The following PDZRN4 variants were observed in gnomAD, a reference collection of about 807,000 sequenced individuals.
PDZRN4 encodes PDZ domain-containing RING finger protein 4.
PDZRN4 carries 70 observed loss-of-function variants against 99.0 expected under a neutral mutation model. The ratio of observed to expected loss-of-function variants is 0.71; its 90% CI spans 0.58 to 0.86. The LOEUF (loss-of-function observed/expected upper bound fraction) is 0.86. Ranked by LOEUF, PDZRN4 falls within the 40% of genes least tolerant of loss-of-function variation. The pLI is 0.00. For synonymous variants in PDZRN4, 551 were observed against 501.6 expected (o/e 1.10, Z -1.32); for missense variants, 1,474 against 1,331.2 (o/e 1.11, Z -1.67).
chr12:41,472,814 T>C (rs993128318), intron 3 of PDZRN4, among the ~76,000 whole-genome samples: 2 of 152,218 alleles, frequency 1.3e-5, no homozygotes, highest in African/African-American at 4.8e-5. Context: ...CCCATAGGCA[T>C]TGCCCTGCTA....
In PDZRN4 at chr12:41,341,876, G is replaced by A. The variant is rs186345269; in HGVS notation, c.843+147688G>A. On this transcript the variant is annotated intron_variant, in intron 3 of 9. Coordinates refer to ENST00000402685, the MANE Select transcript of PDZRN4 (RefSeq NM_001164595.2). ...CTAAAATTCATATGAAAACACAAAA[G>A]ACCCTGAACAGCCAAAGCAATCCTA... 3.2e-3 allele frequency among the ~76,000 whole-genome samples: 486 copies of A among 151,858 alleles called. 1 individual carries two copies. The highest frequency in any genetic ancestry group is 5.4e-3 in the Non-Finnish European group (364 of 67,824).
intron 3 of PDZRN4, among the ~76,000 whole-genome samples, chr12:41,388,106 T>G (rs1353096071): frequency 6.6e-6 from 1 of 152,202 alleles, no homozygotes; most frequent in African/African-American, 2.4e-5. Context: ...AAGAATGAGA[T>G]AATGTCCTTT....
chr12:41,338,649 G>A (rs992621610), intron 3 of PDZRN4, among the ~76,000 whole-genome samples: 2 of 151,562 alleles, frequency 1.3e-5, no homozygotes, highest in Admixed American at 6.6e-5. Flanking sequence ...GAAATACAAA[G>A]GATCATAAGA....
At chr12:41,335,243 CTTT>C (rs202056334) in intron 3 of PDZRN4, among the ~76,000 whole-genome samples, 1 of 151,430 alleles carries the variant, frequency 6.6e-6, no homozygotes, top group African/African-American at 2.4e-5. Flanking sequence ...CTATCATTTT[CTTT>C]TTTTCTTTTT....
intron 3 of PDZRN4, among the ~76,000 whole-genome samples, chr12:41,327,143 G>T (rs543905998): frequency 6.6e-6 from 1 of 152,198 alleles, no homozygotes; most frequent in South Asian, 2.1e-4. Flanking sequence ...TCTCCATTTT[G>T]CTAACTTGGG....
intron 3 of PDZRN4, among the ~76,000 whole-genome samples, chr12:41,224,944 T>C (rs1270488178): frequency 6.6e-6 from 1 of 152,138 alleles, no homozygotes; most frequent in Non-Finnish European, 1.5e-5. Context: ...ACTTTAGTAA[T>C]AGAGATCATG....
chr12:41,537,073 C>G (rs1477569295), intron 5 of PDZRN4, among the ~76,000 whole-genome samples: 21 of 152,174 alleles, frequency 1.4e-4, no homozygotes, highest in Admixed American at 1.4e-3. Context: ...TACTAGTCTT[C>G]TAGACATGTC....
intron 3 of PDZRN4, among the ~76,000 whole-genome samples, chr12:41,449,174 C>T (rs1285961268): frequency 6.6e-6 from 1 of 152,180 alleles, no homozygotes; most frequent in Non-Finnish European, 1.5e-5. Context: ...TTATAATACT[C>T]CTCAAAGTGT....
chr12:41,474,840 T>A (rs1214812205), intron 3 of PDZRN4, among the ~76,000 whole-genome samples: 1 of 152,082 alleles, frequency 6.6e-6, no homozygotes, highest in Admixed American at 6.6e-5. Flanking sequence ...GAAACATAGG[T>A]GTGAAAGAAA....
chr12:41,437,717 CTG>C (rs1952642819), intron 3 of PDZRN4: 2 of 1,430,874 alleles, frequency 1.4e-6, no homozygotes, highest in South Asian at 3.0e-5. Flanking sequence ...ACTGGAAACT[CTG>C]TGTGTGTATC....
At chr12:41,377,132 T>C (rs1952087956) in intron 3 of PDZRN4, among the ~76,000 whole-genome samples, 1 of 152,194 alleles carries the variant, frequency 6.6e-6, no homozygotes, top group Admixed American at 6.5e-5. Flanking sequence ...TTACTACAGA[T>C]TTGTAATACA....
intron 3 of PDZRN4, among the ~76,000 whole-genome samples, chr12:41,296,889 T>C (rs1347211261): frequency 1.3e-5 from 2 of 151,992 alleles, no homozygotes; most frequent in Non-Finnish European, 2.9e-5. Flanking sequence ...GCCCAGGAGG[T>C]TGACACTGCA....
chr12:41,507,136 T>G (rs2446145), intron 4 of PDZRN4, among the ~76,000 whole-genome samples: 6 of 152,030 alleles, frequency 3.9e-5, no homozygotes, highest in Non-Finnish European at 8.8e-5. Flanking sequence ...TCTCTCTTCC[T>G]TGCATTTCTC....
intron 3 of PDZRN4, among the ~76,000 whole-genome samples, chr12:41,501,891 T>G (rs1051077514): frequency 6.6e-6 from 1 of 152,136 alleles, no homozygotes; most frequent in African/African-American, 2.4e-5. Flanking sequence ...TTTCCTATCA[T>G]CCATTTACTT....
rs564206122 is a variant in PDZRN4, at chr12:41,464,442, T to C, written c.844-42014T>C. Reference sequence around the variant, plus strand: ...TCACTGGAGTCAGTCATTCATTCAATAGTGTCTAGGGAAGAGCCAGTCTAG... The same window carrying C: ...TCACTGGAGTCAGTCATTCATTCAACAGTGTCTAGGGAAGAGCCAGTCTAG... On this transcript the variant is annotated intron_variant, in intron 3 of 9. Transcript: ENST00000402685. Among the ~76,000 whole-genome samples the C allele has an allele frequency of 5.9e-5, 9 of 152,336 alleles. No individual in the cohort carries two copies. The East Asian group carries it at 1.5e-3, about 26-fold the overall frequency.
intron 3 of PDZRN4, among the ~76,000 whole-genome samples, chr12:41,400,109 G>A (rs189665567): frequency 1.4e-4 from 21 of 152,234 alleles, no homozygotes; most frequent in African/African-American, 4.3e-4. Flanking sequence ...GATAACTCAG[G>A]TGCTGGTTGC....
intron 3 of PDZRN4, among the ~76,000 whole-genome samples, chr12:41,380,357 C>A: frequency 6.6e-6 from 1 of 152,020 alleles, no homozygotes; most frequent in African/African-American, 2.4e-5. Context: ...TAGATAAGGC[C>A]TTGCTATTGC....
chr12:41,572,157 C>T (rs779344374), intron 9 of PDZRN4, among the ~76,000 whole-genome samples: 2 of 152,154 alleles, frequency 1.3e-5, no homozygotes, highest in African/African-American at 2.4e-5. Flanking sequence ...CATATTCAAG[C>T]GGGTTTTGTT....
chr12:41,344,560 AC>A (rs1565557571), intron 3 of PDZRN4, among the ~76,000 whole-genome samples: 9 of 151,784 alleles, frequency 5.9e-5, no homozygotes, highest in African/African-American at 1.9e-4. Flanking sequence ...AAAAGAAAAA[AC>A]AACTTTCTTG....
Sources: gnomAD v4.1 joint callset for allele counts (sites outside exome capture counted in the v4.1 genomes callset) on GRCh38, gnomAD v4.1.1 for gene constraint, MANE v1.5 for transcripts, NCBI Gene and HGNC (gene_info 2026-07-23, HGNC 2026-07-21) for gene names.